The following HDX variants were observed in gnomAD, a reference collection of about 807,000 sequenced individuals.
HDX encodes chromosome X open reading frame 43.
Under a neutral mutation model 45.2 loss-of-function variants are expected in HDX, and 19 were observed. The ratio of observed to expected loss-of-function variants is 0.42; its 90% confidence interval spans 0.29 to 0.62. The LOEUF (loss-of-function observed/expected upper bound fraction) is 0.62, where lower values mean the gene tolerates loss of function less well. Among genes scored for constraint, HDX ranks in the 20% least tolerant of loss-of-function variants. HDX has a pLI of 0.20. For synonymous variants in HDX, 188 were observed against 172.8 expected, an observed-to-expected ratio of 1.09 and a Z score of -0.69; for missense variants, 532 against 493.9, an observed-to-expected ratio of 1.08 and a Z score of -0.73.
intron 6 of HDX, among the ~76,000 whole-genome samples, chrX:84,350,759 T>C (rs1386068653): frequency 8.9e-6 from 1 of 112,050 alleles, no homozygotes; most frequent in East Asian, 2.8e-4. Context: ...GTTAGGTCAT[T>C]TTTAAAAATC....
chrX:84,334,549 C>G (rs1342536134), intron 8 of HDX, among the ~76,000 whole-genome samples: 1 of 106,339 alleles, frequency 9.4e-6, no homozygotes, highest in Non-Finnish European at 1.9e-5. Context: ...GGTACTAACA[C>G]TAATTAAATA....
Position 84,433,860 on chromosome X carries a change from T to G in HDX, c.1305+6672A>C, listed in dbSNP as rs191260076. On this transcript the variant is annotated intron_variant, in intron 5 of 10. Coordinates refer to ENST00000373177, the MANE Select transcript of HDX (RefSeq NM_001177479.2). ...ATTTATTTGTGTATCCTTCAATTCC[T>G]TTCATCAATGTTTTGTTTTTTTTAA... 3.0e-4 allele frequency among the ~76,000 whole-genome samples: 33 copies of G among 111,676 alleles called. 1 individual carries two copies. In the East Asian group the frequency reaches 9.3e-3, roughly 32 times the overall value.
chrX:84,346,639 G>A (rs2037213048), intron 6 of HDX, among the ~76,000 whole-genome samples: 1 of 111,154 alleles, frequency 9.0e-6, no homozygotes, highest in Non-Finnish European at 1.9e-5. Flanking sequence ...TAGGGGAAGT[G>A]CAGTTTTTTC....
chrX:84,481,396 G>A (rs889066077), intron 2 of HDX, among the ~76,000 whole-genome samples: 4 of 111,300 alleles, frequency 3.6e-5, no homozygotes, highest in African/African-American at 1.3e-4. Context: ...CAGATACAAT[G>A]TACAGGGGAC....
chrX:84,458,467 G>A (rs68091570), intron 4 of HDX, among the ~76,000 whole-genome samples: 5,459 of 111,937 alleles, frequency 0.049, 293 homozygotes, highest in African/African-American at 0.16. Flanking sequence ...ACATAAATAT[G>A]TGTAGCTTGA....
At position 84,349,839 on chromosome X, in the gene HDX, A is replaced by C. The variant is rs1170107618; in HGVS notation, c.1453-5382T>G. Among the ~76,000 whole-genome samples the C allele has an allele frequency of 2.7e-5, 3 of 109,565 alleles. No individual in the cohort carries two copies. In the Admixed American group the frequency reaches 3.0e-4, roughly 11 times the overall value. On this transcript the variant is annotated intron_variant, in intron 6 of 10. Coordinates refer to ENST00000373177, the MANE Select transcript of HDX (RefSeq NM_001177479.2). Reference sequence around the variant, plus strand: ...AGAAAGTCAAATAACACATGATATCACTTGTAAGTGGGTGCTAAACAGTGG... The same window carrying C: ...AGAAAGTCAAATAACACATGATATCCCTTGTAAGTGGGTGCTAAACAGTGG...
chrX:84,382,767 C>A (rs1486763385), intron 5 of HDX, among the ~76,000 whole-genome samples: 1 of 110,885 alleles, frequency 9.0e-6, no homozygotes, highest in Non-Finnish European at 1.9e-5. Context: ...AAATAATGAA[C>A]AAGACATACT....
intron 4 of HDX, among the ~76,000 whole-genome samples, chrX:84,447,593 CA>C (rs1400256472): frequency 3.6e-5 from 4 of 110,897 alleles, no homozygotes; most frequent in African/African-American, 1.3e-4. Context: ...AGGTCCCCCC[CA>C]CACACCAAGT....
chrX:84,498,231 G>T (rs1336929260), intron 1 of HDX, among the ~76,000 whole-genome samples: 1 of 111,855 alleles, frequency 8.9e-6, no homozygotes, highest in African/African-American at 3.2e-5. Context: ...ATAATTTCAT[G>T]TATCCAGTTG....
intron 2 of HDX, among the ~76,000 whole-genome samples, chrX:84,487,572 T>C (rs964566935): frequency 8.9e-6 from 1 of 112,086 alleles, no homozygotes. Context: ...GGTTTCAATG[T>C]CAATTCTATT....
At position 84,326,232 on chromosome X, in the gene HDX, A is replaced by T; in HGVS notation, c.1893T>A (p.Thr631=). The T allele has an allele frequency of 8.3e-7, 1 of 1,198,417 alleles. No individual in the cohort carries two copies. The highest frequency in any genetic ancestry group is 1.1e-6 in the Non-Finnish European group (1 of 883,592). Residue 631 remains threonine, a synonymous_variant, in exon 10 of 11, where the codon ACT becomes ACA. Coordinates refer to ENST00000373177, the MANE Select transcript of HDX (RefSeq NM_001177479.2). ...IQKQKYFKLQ[T]FVRSLILAMK... ...TTGCTAATATCAAGCTTCTAACAAA[A>T]GTCTGAAGTTTAAAGTATTTTTGCT...
At position 84,320,037 on chromosome X, in the gene HDX, A is replaced by G. The variant is rs1284189653; in HGVS notation, c.*1852T>C. ...TATTTGAAAGATAAACTCAATGACT[A>G]TGAAGCAGACCCTAGGAGAGACTTG... On this transcript the variant is annotated 3_prime_UTR_variant, in exon 11 of 11. Transcript: ENST00000373177. 9.0e-6 allele frequency: 1 copy of G among 111,208 alleles called. No homozygotes were observed. Among genetic ancestry groups the G allele is most frequent in the African/African-American group, 3.3e-5 (1 of 30,740 alleles). The allele number at this position is 111,208 out of a possible 1,213,427, so 9.2% of individuals were successfully genotyped here.
At chrX:84,342,453 T>A (rs1261612767) in intron 7 of HDX, among the ~76,000 whole-genome samples, 1 of 110,874 alleles carries the variant, frequency 9.0e-6, no homozygotes, top group Non-Finnish European at 1.9e-5. Context: ...AGTGTAACAA[T>A]AAGCAGTCTC....
chrX:84,409,531 T>C (rs2038930722), intron 5 of HDX, among the ~76,000 whole-genome samples: 1 of 108,265 alleles, frequency 9.2e-6, no homozygotes, highest in South Asian at 4.2e-4. Flanking sequence ...CACCATGGAA[T>C]ACTATGCAGC....
At chrX:84,487,399 G>A (rs1324540229) in intron 2 of HDX, among the ~76,000 whole-genome samples, 2 of 112,034 alleles carry the variant, frequency 1.8e-5, no homozygotes, top group Non-Finnish European at 3.8e-5. Flanking sequence ...GCATCCTCTT[G>A]AGAATGTTGA....
chrX:84,422,657 T>TA (rs2039283104), intron 5 of HDX, among the ~76,000 whole-genome samples: 1 of 88,818 alleles, frequency 1.1e-5, no homozygotes, highest in African/African-American at 4.0e-5. Flanking sequence ...ACCAATGAAA[T>TA]AAAAGGTTTT....
At chrX:84,392,259 T>A (rs1386756286) in intron 5 of HDX, among the ~76,000 whole-genome samples, 1 of 111,687 alleles carries the variant, frequency 9.0e-6, no homozygotes, top group African/African-American at 3.2e-5. Flanking sequence ...TCCTCTTTTA[T>A]GTCCCATTGT....
chrX:84,452,188 T>A (rs1006074006), intron 4 of HDX, among the ~76,000 whole-genome samples: 20 of 110,476 alleles, frequency 1.8e-4, no homozygotes, highest in African/African-American at 6.2e-4. Context: ...AAAGAAAAAA[T>A]AAAAGGCAGC....
intron 5 of HDX, among the ~76,000 whole-genome samples, chrX:84,377,274 G>T (rs1441267057): frequency 9.0e-6 from 1 of 111,348 alleles, no homozygotes; most frequent in East Asian, 2.8e-4. Flanking sequence ...TCCCAAAAAG[G>T]ATTGACACAA....
Sources: gnomAD v4.1 joint callset for allele counts (sites outside exome capture counted in the v4.1 genomes callset) on GRCh38, gnomAD v4.1.1 for gene constraint, MANE v1.5 for transcripts, NCBI Gene and HGNC (gene_info 2026-07-23, HGNC 2026-07-21) for gene names.